PCDHA11: variants seen among roughly 807,000 people sequenced by gnomAD.
PCDHA11 encodes the protein protocadherin alpha-11.
In PCDHA11, 61 loss-of-function variants were observed where a neutral mutation model predicts 70.3. The ratio of observed to expected loss-of-function variants is 0.87; its 90% confidence interval spans 0.71 to 1.07. The LOEUF (loss-of-function observed/expected upper bound fraction) is 1.07, where lower values mean the gene tolerates loss of function less well. Among genes scored for constraint, PCDHA11 ranks in the 50% least tolerant of loss-of-function variants. The pLI, the probability that PCDHA11 is intolerant of heterozygous loss-of-function variation, is 0.00. For synonymous variants in PCDHA11, 633 were observed against 555.1 expected (o/e 1.14, Z -1.97); for missense variants, 1,324 against 1,237.5 (o/e 1.07, Z -1.05).
In PCDHA11 at chr5:140,876,482, T is replaced by G. The variant is rs372044061; in HGVS notation, c.2391+4988T>G. The G allele has an allele frequency of 1.8e-4, 291 of 1,613,904 alleles. No individual in the cohort carries two copies. The highest frequency in any genetic ancestry group is 2.4e-4 in the Non-Finnish European group (285 of 1,179,894). On this transcript the variant is annotated intron_variant, in intron 1 of 3. Transcript: ENST00000398640. The stretch of plus-strand genomic sequence containing the variant: ...TCCATGGCAGGTCACAGCATGGTCC[T>G]GGTGGAAGTTCTGGACGTGAATGAC...
chr5:140,963,838 T>C (rs1414191733), intron 1 of PCDHA11, among the ~76,000 whole-genome samples: 3 of 152,254 alleles, frequency 2.0e-5, no homozygotes, highest in Admixed American at 1.3e-4. Context: ...CATTTTCTCA[T>C]GTAATCATAA....
intron 1 of PCDHA11, among the ~76,000 whole-genome samples, chr5:140,976,765 C>T (rs1483381591): frequency 6.6e-6 from 1 of 152,172 alleles, no homozygotes; most frequent in Non-Finnish European, 1.5e-5. Context: ...CAGAAGCCTG[C>T]TAGACTCTGA....
In PCDHA11 at chr5:140,937,571, C is replaced by T. The variant is rs188926211; in HGVS notation, c.2392-41378C>T. 1.3e-4 allele frequency among the ~76,000 whole-genome samples: 20 copies of T among 151,578 alleles called. No homozygotes were observed. The East Asian group carries it at 2.7e-3, about 21-fold the overall frequency. On this transcript the variant is annotated intron_variant, in intron 1 of 3. Coordinates refer to ENST00000398640, the MANE Select transcript of PCDHA11 (RefSeq NM_018902.5). Reference sequence around the variant, plus strand: ...GGCAGAGGTTGCAGTGAGCTGGGATCGCGTCACTGCACTCTAGCCTGGGCA... The same window carrying T: ...GGCAGAGGTTGCAGTGAGCTGGGATTGCGTCACTGCACTCTAGCCTGGGCA...
intron 1 of PCDHA11, among the ~76,000 whole-genome samples, chr5:140,938,665 G>A (rs542703903): frequency 7.1e-4 from 108 of 152,106 alleles, no homozygotes; most frequent in Admixed American, 1.2e-3. Context: ...ATTAGACTTA[G>A]TTTCCTAACA....
chr5:140,885,998 A>G (rs2060805032), intron 1 of PCDHA11, among the ~76,000 whole-genome samples: 1 of 152,190 alleles, frequency 6.6e-6, no homozygotes, highest in Non-Finnish European at 1.5e-5. Context: ...GTTGAAAGAA[A>G]TAGTAAAGGG....
chr5:140,906,629 C>T (rs1554192599), intron 1 of PCDHA11, among the ~76,000 whole-genome samples: 1 of 152,222 alleles, frequency 6.6e-6, no homozygotes, highest in Non-Finnish European at 1.5e-5. Context: ...CTTCAGCAAG[C>T]ACCTCAGCAG....
Position 140,969,539 on chromosome 5 carries a change from A to G in PCDHA11, c.2392-9410A>G, listed in dbSNP as rs551546462. ...GAATTGTTTTATTTTTCATTTTCAGAGGCATGAAGCCTTGTCCATAAAATT... is the reference window on the plus strand; with the variant it reads ...GAATTGTTTTATTTTTCATTTTCAGGGGCATGAAGCCTTGTCCATAAAATT... On this transcript the variant is annotated intron_variant, in intron 1 of 3. Transcript: ENST00000398640. The G allele has an allele frequency of 2.3e-6, 3 of 1,303,614 alleles. No individual in the cohort carries two copies. The Admixed American group carries it at 8.5e-5, about 37-fold the overall frequency. 80.8% of individuals were successfully genotyped at this position (1,303,614 alleles called of 1,614,324 possible).
intron 1 of PCDHA11, among the ~76,000 whole-genome samples, chr5:140,964,573 G>A (rs191009049): frequency 3.0e-4 from 45 of 152,274 alleles, no homozygotes; most frequent in African/African-American, 1.9e-4. Flanking sequence ...GAGGAGATAA[G>A]GGGAGGAAAG....
At chr5:140,872,418 A>G (rs2053650259) in intron 1 of PCDHA11, among the ~76,000 whole-genome samples, 2 of 152,014 alleles carry the variant, frequency 1.3e-5, no homozygotes, top group East Asian at 3.9e-4. Flanking sequence ...CTTGAGCCCA[A>G]GAGTTCGAGG....
rs782248457 is a variant in PCDHA11, at chr5:140,927,179, C to G, written c.2392-51770C>G. 8 of 1,614,050 alleles carry G rather than the reference C, an allele frequency of 5.0e-6. No individual in the cohort carries two copies. The South Asian group carries it at 8.8e-5, about 18-fold the overall frequency. ...AGGGCCAAAGCTGCCTGCGTCTTGA[C>G]CTACGACCTGGTGCTCGAGGACCCG... On this transcript the variant is annotated intron_variant, in intron 1 of 3. Transcript: ENST00000398640.
At chr5:140,875,229 T>C (rs893316010) in intron 1 of PCDHA11, 7 of 838,964 alleles carry the variant, frequency 8.3e-6, no homozygotes, top group Non-Finnish European at 1.2e-5. Flanking sequence ...TCAGGATCTT[T>C]CTTGTACTTA....
chr5:140,875,291 T>C, intron 1 of PCDHA11: 2 of 1,397,914 alleles, frequency 1.4e-6, no homozygotes, highest in Non-Finnish European at 1.9e-6. Flanking sequence ...AACAGGAAAA[T>C]TTTTTTCTCC....
At chr5:140,919,359 G>T (rs188480486) in intron 1 of PCDHA11, among the ~76,000 whole-genome samples, 3 of 152,146 alleles carry the variant, frequency 2.0e-5, no homozygotes, top group African/African-American at 7.2e-5. Context: ...ATCTAAAAGT[G>T]TCTCCTGCAG....
At chr5:140,893,655 T>G (rs894439477) in intron 1 of PCDHA11, among the ~76,000 whole-genome samples, 1 of 152,200 alleles carries the variant, frequency 6.6e-6, no homozygotes, top group Non-Finnish European at 1.5e-5. Flanking sequence ...GCTGATAGTT[T>G]TAAAAAATTT....
At chr5:140,928,277 C>A (rs2085098556) in intron 1 of PCDHA11, 2 of 1,614,156 alleles carry the variant, frequency 1.2e-6, no homozygotes, top group South Asian at 2.2e-5. Context: ...GGCCCTGGGG[C>A]CTCTCTAGGC....
chr5:140,881,837 A>G (rs1554172601), intron 1 of PCDHA11, among the ~76,000 whole-genome samples: 1 of 152,238 alleles, frequency 6.6e-6, no homozygotes, highest in Admixed American at 6.5e-5. Flanking sequence ...TTCTGCATGG[A>G]ATTCTTACAC....
chr5:140,923,183 C>G (rs2081208346), intron 1 of PCDHA11, among the ~76,000 whole-genome samples: 2 of 152,206 alleles, frequency 1.3e-5, no homozygotes, highest in South Asian at 4.1e-4. Context: ...TCAGATGCAT[C>G]TACTGCAGCA....
At chr5:140,952,476 G>A (rs1231361903) in intron 1 of PCDHA11, among the ~76,000 whole-genome samples, 1 of 152,148 alleles carries the variant, frequency 6.6e-6, no homozygotes, top group East Asian at 1.9e-4. Context: ...TAAGGAAAGT[G>A]ACATTTGCTC....
At chr5:140,896,894 T>A (rs1317627647) in intron 1 of PCDHA11, among the ~76,000 whole-genome samples, 6 of 152,208 alleles carry the variant, frequency 3.9e-5, no homozygotes, top group Admixed American at 2.0e-4. Context: ...TGAGACATTT[T>A]GATACAAGCA....
Sources: allele counts gnomAD v4.1 joint callset (sites outside exome capture counted in the v4.1 genomes callset), GRCh38; gene constraint gnomAD v4.1.1; transcripts MANE v1.5; gene names NCBI Gene and HGNC (gene_info 2026-07-23, HGNC 2026-07-21).